The following DYNC2I2 variants were observed in gnomAD, a reference collection of about 807,000 sequenced individuals.
DYNC2I2 encodes the protein cytoplasmic dynein 2 intermediate chain 2.
In DYNC2I2, 39 loss-of-function variants were observed where a neutral mutation model predicts 52.0. The observed-to-expected ratio is 0.75, with a 90% confidence interval of 0.58 to 0.98. DYNC2I2 has a LOEUF of 0.98. DYNC2I2 is among the 50% of genes least tolerant of loss of function. The probability of loss-of-function intolerance (pLI) is 0.00; values close to 1 mark genes in which losing one functional copy is unlikely to be tolerated. For synonymous variants in DYNC2I2, 359 were observed against 321.1 expected, an observed-to-expected ratio of 1.12 and a Z score of -1.26; for missense variants, 743 against 728.4, an observed-to-expected ratio of 1.02 and a Z score of -0.23.
chr9:128,635,786 T>C lies in DYNC2I2; in HGVS notation c.704-19A>G, dbSNP rs780884795. ...AGCCCTCCTGCAGGGACAGTGGACC[T>C]GGGCAGAGGCTCAGCCCCACCCCCA... On this transcript the variant is annotated intron_variant, in intron 4 of 8. Coordinates refer to ENST00000372715, the MANE Select transcript of DYNC2I2 (RefSeq NM_052844.4). 2 of 1,597,982 alleles carry C rather than the reference T, an allele frequency of 1.3e-6. No homozygotes were observed. The highest frequency in any genetic ancestry group is 1.3e-5 in the African/African-American group (1 of 74,608).
Position 128,633,855 on chromosome 9 carries a change from C to T in DYNC2I2, c.1500G>A (p.Ala500=), listed in dbSNP as rs760332947. ...CCTTCACTGTGCCCTGGGCATCGCC[C>T]GCAGCCAAGAGCTGAGTCTGCTGGC... ...FNSQQTQLLA[A]GDAQGTVKVW... The change falls in exon 9 of 9, where the codon GCG becomes GCA. Residue 500 remains alanine (A), a synonymous_variant. Transcript: ENST00000372715. 13 of 1,613,466 alleles carry T rather than the reference C, an allele frequency of 8.1e-6. No homozygotes were observed. The highest frequency in any genetic ancestry group is 1.7e-5 in the Admixed American group (1 of 59,990).
At chr9:128,655,908 CAAA>C (rs538687665) in intron 1 of DYNC2I2, among the ~76,000 whole-genome samples, 4 of 41,092 alleles carry the variant, frequency 9.7e-5, no homozygotes, top group Admixed American at 2.9e-4. Context: ...GAGACTGTCT[CAAA>C]AAAAAAAAAA....
chr9:128,660,143 C>G (rs1860901157), upstream of DYNC2I2, among the ~76,000 whole-genome samples: 1 of 151,712 alleles, frequency 6.6e-6, no homozygotes, highest in African/African-American at 2.4e-5. Context: ...GAGTCTCGCT[C>G]TGTCGCCCAG....
intron 5 of DYNC2I2, 196 bp downstream of exon 5, chr9:128,635,462 C>T: frequency 2.5e-6 from 2 of 798,558 alleles, no homozygotes; most frequent in East Asian, 2.7e-5. Flanking sequence ...TCACTCGGTG[C>T]CTGCAGAGGA....
chr9:128,664,196 AGGT>A, the DYNC2I2 span, among the ~76,000 whole-genome samples: 1 of 151,964 alleles, frequency 6.6e-6, no homozygotes, highest in Non-Finnish European at 1.5e-5. Context: ...CTCTAACCTC[AGGT>A]GATCAGCCTT....
chr9:128,674,766 C>T, the DYNC2I2 span, among the ~76,000 whole-genome samples: 1 of 152,068 alleles, frequency 6.6e-6, no homozygotes, highest in Admixed American at 6.6e-5. Flanking sequence ...AATGTCTAGA[C>T]ATGGAGTTTA....
chr9:128,684,390 CCT>C, the DYNC2I2 span, among the ~76,000 whole-genome samples: 6 of 152,072 alleles, frequency 3.9e-5, no homozygotes, highest in African/African-American at 7.2e-5. Flanking sequence ...GATCTGTCCA[CCT>C]CTCTCTCTGT....
Position 128,634,318 on chromosome 9 carries a change from G to A in DYNC2I2, c.1280C>T (p.Pro427Leu), listed in dbSNP as rs1860314798. The A allele has an allele frequency of 6.2e-7, 1 of 1,613,394 alleles. No homozygotes were observed. Among genetic ancestry groups the A allele is most frequent in the Non-Finnish European group, 8.5e-7 (1 of 1,179,770 alleles). ...VHLYSMLQAP[P>L]LTSLQLSLKY... ...GAGGGAGAGCTGCAGCGAAGTCAAG[G>A]GAGGGGCCTGCAGCATGGAGTACAG... is the stretch of plus-strand genomic sequence containing the variant. Residue 427 changes from proline (P) to leucine (L), a missense_variant, in exon 8 of 9, where the codon CCC (proline) becomes CTC (leucine). Pro to Leu is a moderately conservative substitution (Grantham distance 98). Transcript: ENST00000372715.
At chr9:128,683,277 TTC>T in the DYNC2I2 span, 75 of 41,548 alleles carry the variant, frequency 1.8e-3, no homozygotes, top group Non-Finnish European at 3.7e-3. Flanking sequence ...TCTTTCTTTC[TTC>T]TTTTTTTTTT....
the DYNC2I2 span, among the ~76,000 whole-genome samples, chr9:128,668,162 T>C: frequency 6.6e-6 from 1 of 151,814 alleles, no homozygotes; most frequent in South Asian, 2.1e-4. Context: ...GGTTTCATCA[T>C]GTTGGCCAGG....
At chr9:128,665,071 G>C in the DYNC2I2 span, among the ~76,000 whole-genome samples, 1 of 85,636 alleles carries the variant, frequency 1.2e-5, no homozygotes, top group Non-Finnish European at 2.3e-5. Flanking sequence ...TTTTTTTTTT[G>C]AGATAGAGTC....
Position 128,636,270 on chromosome 9 carries a change from A to G in DYNC2I2, c.703+11T>C. 6.4e-7 allele frequency: 1 copy of G among 1,559,502 alleles called. No homozygotes were observed. ...TGAGAGGAGAGGAGGCGGACACAGC[A>G]GGCAGCTCACCTGCGACGTGGGAGG... On this transcript the variant is annotated intron_variant, in intron 4 of 8. Transcript: ENST00000372715.
In DYNC2I2 at chr9:128,636,135, C is replaced by T. The variant is rs73669957; in HGVS notation, c.703+146G>A. On this transcript the variant is annotated intron_variant, in intron 4 of 8. Coordinates refer to ENST00000372715, the MANE Select transcript of DYNC2I2 (RefSeq NM_052844.4). The stretch of plus-strand genomic sequence containing the variant: ...TCCACCCCTCAGGGCTCACTGCAGA[C>T]CTTCACCTGGGCTCCAGACTGAGAG... 6,104 of 1,273,026 alleles carry T rather than the reference C, an allele frequency of 4.8e-3. 151 individuals carry two copies. In the East Asian group the frequency reaches 0.054, roughly 11 times the overall value. The allele number at this position is 1,273,026 out of a possible 1,614,324, so 78.9% of individuals were successfully genotyped here. A position where few individuals can be genotyped will look rare whatever the true frequency, so the allele number is the denominator to read the frequency against.
At chr9:128,672,352 C>G in the DYNC2I2 span, among the ~76,000 whole-genome samples, 2 of 151,910 alleles carry the variant, frequency 1.3e-5, no homozygotes, top group African/African-American at 2.4e-5. Flanking sequence ...ATCCGCCAGG[C>G]CTGGCTAATT....
chr9:128,654,861 A>C (rs7036322), intron 1 of DYNC2I2, among the ~76,000 whole-genome samples: 108,303 of 152,050 alleles, frequency 0.71, 42,617 homozygotes, highest in Non-Finnish European at 0.89. Flanking sequence ...TCCCCAACCC[A>C]GTCCTTCCAA....
chr9:128,669,056 C>A, the DYNC2I2 span, among the ~76,000 whole-genome samples: 1 of 151,876 alleles, frequency 6.6e-6, no homozygotes, highest in Admixed American at 6.6e-5. Flanking sequence ...CATGGCAAAA[C>A]CCCGTCTCTA....
rs587777098 is a variant in DYNC2I2, at chr9:128,634,291, T to C, written c.1307A>G (p.Lys436Arg). The C allele has an allele frequency of 6.2e-7, 1 of 1,613,684 alleles. No individual in the cohort carries two copies. Among genetic ancestry groups the C allele is most frequent in the Non-Finnish European group, 8.5e-7 (1 of 1,179,944 alleles). The change falls in exon 8 of 9, where the codon AAG becomes AGG. Residue 436 changes from lysine to arginine, a missense_variant. Coordinates refer to ENST00000372715, the MANE Select transcript of DYNC2I2 (RefSeq NM_052844.4). ...GGACCAGCGCACAGCAAACAGATAC[T>C]TGAGGGAGAGCTGCAGCGAAGTCAA... ...PPLTSLQLSL[K>R]YLFAVRWSPV...
chr9:128,638,306 C>A (rs1197973823), intron 2 of DYNC2I2, among the ~76,000 whole-genome samples: 2 of 151,686 alleles, frequency 1.3e-5, no homozygotes, highest in East Asian at 3.9e-4. Flanking sequence ...ATCACAAGGT[C>A]TGGAGTTCAA....
chr9:128,658,241 C>T (rs968041630), upstream of DYNC2I2, among the ~76,000 whole-genome samples: 1 of 151,202 alleles, frequency 6.6e-6, no homozygotes, highest in African/African-American at 2.4e-5. Flanking sequence ...TCTCGGCTCA[C>T]AGCAACCTCC....
Sources: allele counts gnomAD v4.1 joint callset (sites outside exome capture counted in the v4.1 genomes callset), GRCh38; gene constraint gnomAD v4.1.1; transcripts MANE v1.5; gene names NCBI Gene and HGNC (gene_info 2026-07-23, HGNC 2026-07-21).